Variants in ZNF385D observed in about 807,000 individuals in gnomAD.
The protein encoded by ZNF385D is zinc finger protein 385D.
ZNF385D carries 15 observed loss-of-function variants against 35.8 expected under a neutral mutation model. That is an observed-to-expected ratio of 0.42 (90% CI 0.28 to 0.64). The LOEUF (loss-of-function observed/expected upper bound fraction) is 0.64. ZNF385D is among the 30% of genes least tolerant of loss of function. The pLI, the probability that ZNF385D is intolerant of heterozygous loss-of-function variation, is 0.23. For synonymous variants in ZNF385D, 212 were observed against 186.8 expected, an observed-to-expected ratio of 1.13 and a Z score of -1.10; for missense variants, 474 against 494.6, an observed-to-expected ratio of 0.96 and a Z score of 0.39.
intron 2 of ZNF385D, among the ~76,000 whole-genome samples, chr3:22,199,146 A>C (rs1696616316): frequency 6.7e-6 from 1 of 149,362 alleles, no homozygotes; most frequent in African/African-American, 2.6e-5. Context: ...CAAAAAACAT[A>C]ATCTCATCTC....
intron 3 of ZNF385D, among the ~76,000 whole-genome samples, chr3:22,111,015 G>T (rs554590554): frequency 9.7e-4 from 148 of 152,006 alleles, no homozygotes; most frequent in African/African-American, 3.5e-3. Flanking sequence ...ACTGAGAAAG[G>T]TCACTCTAGT....
intron 5 of ZNF385D, among the ~76,000 whole-genome samples, chr3:21,429,199 T>A (rs73820944): frequency 0.037 from 5,674 of 151,584 alleles, 317 homozygotes; most frequent in African/African-American, 0.13. Flanking sequence ...AAGATAAATT[T>A]AAAAAAAATT....
intron 2 of ZNF385D, among the ~76,000 whole-genome samples, chr3:22,204,813 G>C (rs749425593): frequency 6.6e-6 from 1 of 151,752 alleles, no homozygotes; most frequent in Non-Finnish European, 1.5e-5. Context: ...AAAACTCACA[G>C]TCACAGGAGA....
At chr3:21,880,391 C>A (rs1426960868) in intron 3 of ZNF385D, among the ~76,000 whole-genome samples, 3 of 151,930 alleles carry the variant, frequency 2.0e-5, no homozygotes, top group African/African-American at 7.2e-5. Context: ...TTGCAATATT[C>A]AAATTCTTTC....
chr3:21,660,856 AC>A (rs1236678011), intron 2 of ZNF385D, among the ~76,000 whole-genome samples: 1 of 152,188 alleles, frequency 6.6e-6, no homozygotes, highest in Non-Finnish European at 1.5e-5. Context: ...GTCCACAGTT[AC>A]AGAGACAGTC....
At chr3:21,947,543 G>T (rs190666709) in intron 3 of ZNF385D, among the ~76,000 whole-genome samples, 2 of 151,986 alleles carry the variant, frequency 1.3e-5, no homozygotes, top group Non-Finnish European at 2.9e-5. Context: ...GTAGAGATGG[G>T]GTTTCACTGT....
chr3:21,628,200 T>A (rs2125828797), intron 2 of ZNF385D, among the ~76,000 whole-genome samples: 1 of 152,230 alleles, frequency 6.6e-6, no homozygotes, highest in East Asian at 1.9e-4. Flanking sequence ...AGTAAAAGGC[T>A]GTTGCAAAAA....
intron 2 of ZNF385D, among the ~76,000 whole-genome samples, chr3:22,233,248 A>G (rs753485733): frequency 1.3e-5 from 2 of 152,176 alleles, no homozygotes; most frequent in African/African-American, 2.4e-5. Flanking sequence ...ACTCAGCACT[A>G]AAAGGGAACA....
chr3:21,943,490 A>G (rs530247131), intron 3 of ZNF385D, among the ~76,000 whole-genome samples: 3 of 152,022 alleles, frequency 2.0e-5, no homozygotes, highest in African/African-American at 7.2e-5. Flanking sequence ...TACTAATTAT[A>G]ATATATTCAG....
At chr3:21,876,697 A>AT (rs201353223) in intron 3 of ZNF385D, among the ~76,000 whole-genome samples, 11,163 of 147,030 alleles carry the variant, frequency 0.076, 526 homozygotes, top group East Asian at 0.17. Context: ...TATATTTTTG[A>AT]TTTTTTTTTT....
In ZNF385D at chr3:21,417,357, G is replaced by C. The variant is rs1700576802; in HGVS notation, c.*3857C>G. 1 of 152,082 alleles carries C rather than the reference G, an allele frequency of 6.6e-6. No individual in the cohort carries two copies. The highest frequency in any genetic ancestry group is 2.1e-4 in the South Asian group (1 of 4,832). 9.4% of individuals were successfully genotyped at this position (152,082 alleles called of 1,614,324 possible). A position where few individuals can be genotyped will look rare whatever the true frequency, so the allele number is the denominator to read the frequency against. The stretch of plus-strand genomic sequence containing the variant: ...TTGGTCAGGGACAAAGTCTACAATA[G>C]ACTCTGGCTACTCTAAGGCTCCTCA... On this transcript the variant is annotated 3_prime_UTR_variant, in exon 8 of 8. Transcript: ENST00000281523.
At chr3:21,827,829 C>T (rs1419999800) in intron 3 of ZNF385D, among the ~76,000 whole-genome samples, 1 of 152,106 alleles carries the variant, frequency 6.6e-6, no homozygotes, top group African/African-American at 2.4e-5. Context: ...TTGAAGTTTG[C>T]CTTTCATTAA....
chr3:21,664,789 A>G (rs1256604471), intron 2 of ZNF385D, 97 bp downstream of exon 2: 11 of 1,519,216 alleles, frequency 7.2e-6, no homozygotes, highest in East Asian at 2.3e-5. Context: ...AATGAACAAT[A>G]TAGCAAAATG....
chr3:21,485,305 T>G (rs1190706348), intron 4 of ZNF385D, among the ~76,000 whole-genome samples: 1 of 152,174 alleles, frequency 6.6e-6, no homozygotes. Context: ...TTGATAAAGC[T>G]GGAGATGGGT....
At chr3:22,063,446 G>A (rs898196054) in intron 3 of ZNF385D, among the ~76,000 whole-genome samples, 1 of 152,028 alleles carries the variant, frequency 6.6e-6, no homozygotes, top group Non-Finnish European at 1.5e-5. Flanking sequence ...TCATCTGCAA[G>A]CAATTTATTT....
Position 21,819,431 on chromosome 3 carries a change from A to C in ZNF385D, c.326-154403T>G, listed in dbSNP as rs562215821. ...GTAAAACGGTGAGAAAGTACATACCACCCAAAACCTGACTATTACAAAAAA... is the reference window on the plus strand; with the variant it reads ...GTAAAACGGTGAGAAAGTACATACCCCCCAAAACCTGACTATTACAAAAAA... On this transcript the variant is annotated intron_variant, in intron 3 of 5. Coordinates refer to the ZNF385D transcript ENST00000494108. 1.6e-3 allele frequency among the ~76,000 whole-genome samples: 240 copies of C among 150,616 alleles called. 1 individual carries two copies. Among genetic ancestry groups the C allele is most frequent in the Middle Eastern group, 0.01 (3 of 292 alleles).
intron 3 of ZNF385D, among the ~76,000 whole-genome samples, chr3:22,022,480 A>G (rs1197136327): frequency 1.3e-5 from 2 of 152,110 alleles, no homozygotes; most frequent in African/African-American, 4.8e-5. Flanking sequence ...TCAAGAAATA[A>G]CATACCACTC....
chr3:21,977,777 G>A (rs1199835757), intron 3 of ZNF385D, among the ~76,000 whole-genome samples: 3 of 151,968 alleles, frequency 2.0e-5, no homozygotes, highest in Non-Finnish European at 2.9e-5. Flanking sequence ...TGGAGGTTAC[G>A]GTGGGCCATG....
At chr3:22,354,381 G>T (rs1366819417) in intron 2 of ZNF385D, among the ~76,000 whole-genome samples, 3 of 152,054 alleles carry the variant, frequency 2.0e-5, no homozygotes, top group Non-Finnish European at 4.4e-5. Context: ...GTTGGCTGCT[G>T]TTGCTGCTAT....
Sources: gnomAD v4.1 joint callset for allele counts (sites outside exome capture counted in the v4.1 genomes callset) on GRCh38, gnomAD v4.1.1 for gene constraint, MANE v1.5 for transcripts, NCBI Gene and HGNC (gene_info 2026-07-23, HGNC 2026-07-21) for gene names.